SKP2: variants seen among roughly 807,000 people sequenced by gnomAD.
SKP2 encodes S-phase kinase associated protein 2.
Under a neutral mutation model 51.8 loss-of-function variants are expected in SKP2, and 16 were observed. The observed-to-expected ratio is 0.31, with a 90% CI of 0.21 to 0.47. The LOEUF is 0.47. Among genes scored for constraint, SKP2 ranks in the 20% least tolerant of loss-of-function variants. SKP2 has a pLI of 1.00. For missense variants in SKP2, 377 were observed against 505.3 expected (o/e 0.75, Z 2.43); for synonymous variants, 176 against 198.6 (o/e 0.89, Z 0.96).
intron 2 of SKP2, among the ~76,000 whole-genome samples, chr5:36,156,911 G>A (rs953456881): frequency 5.9e-5 from 9 of 151,974 alleles, no homozygotes; most frequent in Admixed American, 3.3e-4. Context: ...CCTTAGGCAA[G>A]CATTTTTTCC....
At chr5:36,185,765 A>G (rs1387640763), downstream of SKP2, among the ~76,000 whole-genome samples, 1 of 152,202 alleles carries the variant, frequency 6.6e-6, no homozygotes, top group Non-Finnish European at 1.5e-5. Context: ...TGAACTTTAA[A>G]GTAGTTTTTT....
intron 9 of SKP2, among the ~76,000 whole-genome samples, chr5:36,178,428 T>C (rs1456548133): frequency 2.0e-5 from 3 of 152,148 alleles, no homozygotes; most frequent in African/African-American, 2.4e-5. Context: ...GCATTTTAAT[T>C]AATCATTTTT....
intron 2 of SKP2, among the ~76,000 whole-genome samples, chr5:36,158,841 A>G (rs538324431): frequency 6.6e-6 from 1 of 152,134 alleles, no homozygotes; most frequent in African/African-American, 2.4e-5. Context: ...CCCAGCCCCC[A>G]TCTCCCAGAG....
downstream of SKP2, among the ~76,000 whole-genome samples, chr5:36,186,457 G>C (rs1431790113): frequency 2.6e-5 from 4 of 152,132 alleles, no homozygotes; most frequent in Non-Finnish European, 4.4e-5. Flanking sequence ...TTAGCATGAA[G>C]GTTGTTGAAT....
chr5:36,176,355 A>T (rs897454812), intron 7 of SKP2, among the ~76,000 whole-genome samples: 2 of 151,748 alleles, frequency 1.3e-5, no homozygotes, highest in African/African-American at 4.8e-5. Flanking sequence ...TAGTAAATTT[A>T]TGTGTTCCCT....
intron 5 of SKP2, 136 bp from the exon 6 acceptor site, chr5:36,170,207 GA>G (rs1745421256): frequency 8.1e-6 from 4 of 494,956 alleles, no homozygotes; most frequent in Non-Finnish European, 1.1e-5. Flanking sequence ...TGATGTCTGA[GA>G]GATAGTGATA....
downstream of SKP2, among the ~76,000 whole-genome samples, chr5:36,184,948 C>T (rs548618300): frequency 3.0e-4 from 46 of 152,210 alleles, no homozygotes; most frequent in African/African-American, 7.7e-4. Flanking sequence ...TTTTAATGAT[C>T]GCCATTCTAA....
At chr5:36,164,449 A>G (rs887549919) in intron 3 of SKP2, among the ~76,000 whole-genome samples, 2 of 152,202 alleles carry the variant, frequency 1.3e-5, no homozygotes, top group Non-Finnish European at 2.9e-5. Context: ...GAAAAAGGCT[A>G]TGTTTATCAA....
chr5:36,168,460 C>CAA lies in SKP2; in HGVS notation c.671+14_671+15insAA. ...ATCCCATTGTCAAGTGAGTGGCAGGCAGAGTGTCACAAAGGCAGTTGATTT... is the reference window on the plus strand; with the variant it reads ...ATCCCATTGTCAAGTGAGTGGCAGGCAAAGAGTGTCACAAAGGCAGTTGATTT... On this transcript the variant is annotated intron_variant, in intron 5 of 9. Coordinates refer to ENST00000274255, the MANE Select transcript of SKP2 (RefSeq NM_005983.4). The CAA allele has an allele frequency of 6.2e-7, 1 of 1,613,806 alleles. No homozygotes were observed. The highest frequency in any genetic ancestry group is 8.5e-7 in the Non-Finnish European group (1 of 1,179,678).
downstream of SKP2, among the ~76,000 whole-genome samples, chr5:36,184,815 C>G (rs1309465114): frequency 6.6e-6 from 1 of 152,156 alleles, no homozygotes; most frequent in East Asian, 1.9e-4. Context: ...ATTTCTAGTT[C>G]TAGATCCTTG....
rs1228057486 is a variant in SKP2, at chr5:36,184,038, TAAAC to T, written c.*2008_*2011del. The T allele has an allele frequency of 1.1e-5, 13 of 1,145,516 alleles. No individual in the cohort carries two copies. Among genetic ancestry groups the T allele is most frequent in the Non-Finnish European group, 1.7e-5 (13 of 783,340 alleles). The allele number at this position is 1,145,516 out of a possible 1,614,324, so 71.0% of individuals were successfully genotyped here. ...ACACATTTTTATAAAAATGAGTGCTTAAACTAAGTTGTATTCCTTTTTTCTTTCT... is the reference window on the plus strand; with the variant it reads ...ACACATTTTTATAAAAATGAGTGCTTTAAGTTGTATTCCTTTTTTCTTTCT... On this transcript the variant is annotated 3_prime_UTR_variant, in exon 10 of 10. Transcript: ENST00000274255.
Position 36,177,239 on chromosome 5 carries a change from C to T in SKP2, c.1008C>T (p.Tyr336=). The change falls in exon 9 of 10, where the codon TAC becomes TAT. Residue 336 remains tyrosine, a synonymous_variant. Transcript: ENST00000274255. Reference sequence around the variant, plus strand: ...TTCAGGAATTTTTCCAGCTCAACTACCTCCAACACCTATCACTCAGTCGGT... The same window carrying T: ...TTCAGGAATTTTTCCAGCTCAACTATCTCCAACACCTATCACTCAGTCGGT... The part of the protein sequence containing the change: ...DCFQEFFQLN[Y]LQHLSLSRCY... 1 of 1,612,294 alleles carries T rather than the reference C, an allele frequency of 6.2e-7. No homozygotes were observed. Among genetic ancestry groups the T allele is most frequent in the Non-Finnish European group, 8.5e-7 (1 of 1,178,658 alleles).
chr5:36,152,947 C>T lies in SKP2; in HGVS notation c.185C>T (p.Pro62Leu). 6.2e-7 allele frequency: 1 copy of T among 1,614,084 alleles called. No individual in the cohort carries two copies. Among genetic ancestry groups the T allele is most frequent in the Non-Finnish European group, 8.5e-7 (1 of 1,180,016 alleles). Residue 62 changes from proline to leucine, a missense_variant, in exon 2 of 10, where the codon CCG becomes CTG. Coordinates refer to ENST00000274255, the MANE Select transcript of SKP2 (RefSeq NM_005983.4). ...PQELLSNLGH[P>L]ESPPRKRLKS... ...GAACTGCTCTCAAACCTGGGCCACC[C>T]GGAGAGCCCCCCACGGAAACGGCTG... is the stretch of plus-strand genomic sequence containing the variant.
intron 2 of SKP2, among the ~76,000 whole-genome samples, chr5:36,154,140 G>T (rs1164210765): frequency 1.3e-5 from 2 of 152,076 alleles, no homozygotes; most frequent in Non-Finnish European, 2.9e-5. Context: ...AACAAAAATA[G>T]AACAAGCCAA....
In SKP2 at chr5:36,183,764, T is replaced by C. The variant is rs1175752244; in HGVS notation, c.*1733T>C. 1 of 1,461,194 alleles carries C rather than the reference T, an allele frequency of 6.8e-7. No individual in the cohort carries two copies. The highest frequency in any genetic ancestry group is 1.4e-5 in the African/African-American group (1 of 69,508). 90.5% of individuals were successfully genotyped at this position (1,461,194 alleles called of 1,614,324 possible). Reference sequence around the variant, plus strand: ...CCTAAGGAAGATTTTAAAGTTGGGTTGCACAGGAAATGATGATGCTTCAAT... The same window carrying C: ...CCTAAGGAAGATTTTAAAGTTGGGTCGCACAGGAAATGATGATGCTTCAAT... On this transcript the variant is annotated 3_prime_UTR_variant, in exon 10 of 10. Transcript: ENST00000274255.
Position 36,152,963 on chromosome 5 carries a change from G to C in SKP2, c.201G>C (p.Arg67=), listed in dbSNP as rs1172566076. ...TGGGCCACCCGGAGAGCCCCCCACG[G>C]AAACGGCTGAAGAGCAAAGGGAGTG... ...SNLGHPESPP[R]KRLKSKGSDK... The change falls in exon 2 of 10, where the codon CGG becomes CGC. Residue 67 remains arginine, a synonymous_variant. Coordinates refer to ENST00000274255, the MANE Select transcript of SKP2 (RefSeq NM_005983.4). The C allele has an allele frequency of 6.2e-7, 1 of 1,614,136 alleles. No homozygotes were observed. Among genetic ancestry groups the C allele is most frequent in the East Asian group, 2.2e-5 (1 of 44,864 alleles).
intron 2 of SKP2, among the ~76,000 whole-genome samples, chr5:36,155,613 C>T (rs1247677377): frequency 6.6e-6 from 1 of 152,024 alleles, no homozygotes; most frequent in Non-Finnish European, 1.5e-5. Flanking sequence ...TTACTCTGAC[C>T]CTGTTAGTAT....
chr5:36,168,243 G>C, intron 4 of SKP2, 70 bp from the exon 5 acceptor site: 1 of 1,455,698 alleles, frequency 6.9e-7, no homozygotes, highest in Non-Finnish European at 9.4e-7. Flanking sequence ...GGGAGAAGAG[G>C]GGTCTGGTTT....
At chr5:36,184,818 G>T (rs1745928874), downstream of SKP2, among the ~76,000 whole-genome samples, 1 of 152,144 alleles carries the variant, frequency 6.6e-6, no homozygotes, top group Non-Finnish European at 1.5e-5. Flanking sequence ...TCTAGTTCTA[G>T]ATCCTTGAGG....
Sources: gnomAD v4.1 joint callset for allele counts (sites outside exome capture counted in the v4.1 genomes callset) on GRCh38, gnomAD v4.1.1 for gene constraint, MANE v1.5 for transcripts, NCBI Gene and HGNC (gene_info 2026-07-23, HGNC 2026-07-21) for gene names.